Variants in PDCL2 observed in about 807,000 individuals in gnomAD.
PDCL2 encodes phosducin like 2.
A neutral mutation model predicts 30.3 loss-of-function variants in PDCL2; 23 were observed. That is an observed-to-expected ratio of 0.76 (90% CI 0.55 to 1.08). PDCL2 has a LOEUF of 1.08. Among genes scored for constraint, PDCL2 ranks in the 50% least tolerant of loss-of-function variants. The pLI, the probability that PDCL2 is intolerant of heterozygous loss-of-function variation, is 0.00. For missense variants in PDCL2, 243 were observed against 282.3 expected (o/e 0.86, Z 1.00); for synonymous variants, 68 against 86.2 (o/e 0.79, Z 1.17).
intron 1 of PDCL2, 27 bp downstream of exon 1, chr4:55,592,077 G>A: frequency 6.2e-7 from 1 of 1,608,890 alleles, no homozygotes; most frequent in Non-Finnish European, 8.5e-7. Flanking sequence ...GGTGTTCCAG[G>A]GTGGCTCGGC....
In PDCL2 at chr4:55,580,861, C is replaced by A. The variant is rs1313144923; in HGVS notation, c.178G>T (p.Glu60Ter). 4 of 1,611,076 alleles carry A rather than the reference C, an allele frequency of 2.5e-6. No individual in the cohort carries two copies. The highest frequency in any genetic ancestry group is 3.4e-6 in the Non-Finnish European group (4 of 1,178,728). ...TLAQLKEAED[E>*]FDEEDMQAVE... The stretch of plus-strand genomic sequence containing the variant: ...GCCTGCATATCTTCTTCATCAAATT[C>A]ATCTTCAGCTTCCTTTAGCTGTGCA... Residue 60 changes from glutamate (E) to a stop codon, truncating the protein, a stop_gained, in exon 3 of 6, where the codon GAA (glutamate) becomes TAA (stop). Transcript: ENST00000295645. LOFTEE classifies it high-confidence loss of function.
intron 2 of PDCL2, among the ~76,000 whole-genome samples, chr4:55,581,862 C>T (rs2130036): frequency 0.42 from 64,017 of 151,848 alleles, 15,160 homozygotes; most frequent in African/African-American, 0.64. Flanking sequence ...CACCACCACA[C>T]CTGGCTAATT....
intron 1 of PDCL2, among the ~76,000 whole-genome samples, chr4:55,588,246 T>C (rs1232701339): frequency 2.0e-5 from 3 of 152,152 alleles, no homozygotes; most frequent in African/African-American, 7.2e-5. Flanking sequence ...AGGAAATTCC[T>C]TGTGGACAAA....
At chr4:55,570,204 C>A (rs1464373303) in intron 3 of PDCL2, among the ~76,000 whole-genome samples, 2 of 152,118 alleles carry the variant, frequency 1.3e-5, no homozygotes, top group African/African-American at 4.8e-5. Flanking sequence ...ATAATGATAT[C>A]CAACATTAAC....
In PDCL2 at chr4:55,566,389, T is replaced by C. The variant is rs556990584; in HGVS notation, c.362+3329A>G. 5.5e-4 allele frequency among the ~76,000 whole-genome samples: 83 copies of C among 152,098 alleles called. No individual in the cohort carries two copies. In the South Asian group the frequency reaches 7.3e-3, roughly 13 times the overall value. ...TTACTACAGATTAATTTTCAAAATATATGTTTTATACCAACACAGGAATGT... is the reference window on the plus strand; with the variant it reads ...TTACTACAGATTAATTTTCAAAATACATGTTTTATACCAACACAGGAATGT... On this transcript the variant is annotated intron_variant, in intron 4 of 5. Transcript: ENST00000295645.
intron 4 of PDCL2, among the ~76,000 whole-genome samples, chr4:55,562,912 GAA>G (rs33953658): frequency 2.8e-5 from 3 of 108,822 alleles, no homozygotes; most frequent in Admixed American, 2.5e-4. Flanking sequence ...CCAGTTTGTA[GAA>G]AAAAAAAAAA....
intron 1 of PDCL2, among the ~76,000 whole-genome samples, chr4:55,584,737 C>G (rs1199088488): frequency 6.6e-6 from 1 of 152,096 alleles, no homozygotes; most frequent in Admixed American, 6.5e-5. Context: ...ATTTATTTCT[C>G]TTGCTTACTT....
intron 3 of PDCL2, among the ~76,000 whole-genome samples, chr4:55,579,298 T>C (rs1474983926): frequency 6.6e-6 from 1 of 152,162 alleles, no homozygotes; most frequent in East Asian, 1.9e-4. Flanking sequence ...TAATTCCTGT[T>C]ATTAGAGAAT....
rs1218745374 is a variant in PDCL2, at chr4:55,562,738, T to A, written c.363-126A>T. On this transcript the variant is annotated intron_variant, in intron 4 of 5. Transcript: ENST00000295645. The stretch of plus-strand genomic sequence containing the variant: ...TTAATATAAAAGCACATTATTATCA[T>A]CCTCTATTGTTACCTTTAGCAATGA... 6 of 597,210 alleles carry A rather than the reference T, an allele frequency of 1.0e-5. No individual in the cohort carries two copies. The East Asian group carries it at 1.9e-4, about 19-fold the overall frequency. The allele number at this position is 597,210 out of a possible 1,614,324, so 37.0% of individuals were successfully genotyped here.
At chr4:55,563,989 AG>A (rs1732199604) in intron 4 of PDCL2, among the ~76,000 whole-genome samples, 1 of 152,240 alleles carries the variant, frequency 6.6e-6, no homozygotes, top group Non-Finnish European at 1.5e-5. Context: ...GCATGAATGC[AG>A]ATTTTCTCTA....
chr4:55,582,197 T>A lies in PDCL2; in HGVS notation c.47A>T (p.Asp16Val). The A allele has an allele frequency of 6.2e-7, 1 of 1,611,990 alleles. No homozygotes were observed. Among genetic ancestry groups the A allele is most frequent in the Non-Finnish European group, 8.5e-7 (1 of 1,179,154 alleles). ...EDTEWNDILR[D>V]FGILPPKEES... ...TTCTTTAGGAGGAAGAATGCCGAAA[T>A]CTCTTAAAATGTCATTCCATTCTGT... Residue 16 changes from aspartate (D) to valine (V), a missense_variant, in exon 2 of 6, where the codon GAT becomes GTT. Coordinates refer to ENST00000295645, the MANE Select transcript of PDCL2 (RefSeq NM_152401.3).
intron 5 of PDCL2, among the ~76,000 whole-genome samples, chr4:55,558,249 A>C (rs1732034238): frequency 6.6e-6 from 1 of 152,104 alleles, no homozygotes; most frequent in African/African-American, 2.4e-5. Flanking sequence ...CCCTAATCTC[A>C]CCTTGAACAA....
intron 3 of PDCL2, among the ~76,000 whole-genome samples, chr4:55,573,332 CT>C (rs1352338895): frequency 1.3e-5 from 2 of 152,130 alleles, no homozygotes; most frequent in African/African-American, 4.8e-5. Context: ...AGCTGACTCC[CT>C]TGTTATTTTA....
chr4:55,585,503 G>C (rs1732835455), intron 1 of PDCL2, among the ~76,000 whole-genome samples: 1 of 151,826 alleles, frequency 6.6e-6, no homozygotes, highest in Non-Finnish European at 1.5e-5. Context: ...ACTCCAGCCT[G>C]GGAGACAAAG....
chr4:55,581,637 T>C (rs1039748495), intron 2 of PDCL2, among the ~76,000 whole-genome samples: 6 of 152,192 alleles, frequency 3.9e-5, no homozygotes, highest in African/African-American at 1.4e-4. Context: ...CATGTGAAAT[T>C]AGTCATTTTA....
At chr4:55,585,920 T>G (rs1007757841) in intron 1 of PDCL2, among the ~76,000 whole-genome samples, 3 of 152,190 alleles carry the variant, frequency 2.0e-5, no homozygotes, top group African/African-American at 7.2e-5. Context: ...TTTATCTGAG[T>G]CTTCTTTATT....
chr4:55,570,386 G>A (rs1732390518), intron 3 of PDCL2, among the ~76,000 whole-genome samples: 1 of 152,150 alleles, frequency 6.6e-6, no homozygotes, highest in African/African-American at 2.4e-5. Flanking sequence ...GTAATTACTT[G>A]TTATAAATAT....
chr4:55,573,611 C>T (rs1280395563), intron 3 of PDCL2, among the ~76,000 whole-genome samples: 2 of 151,822 alleles, frequency 1.3e-5, no homozygotes, highest in South Asian at 2.1e-4. Flanking sequence ...ATTAGCCGGG[C>T]GTGGTAGCAT....
intron 1 of PDCL2, 120 bp downstream of exon 1, chr4:55,591,984 A>G: frequency 7.2e-7 from 1 of 1,397,954 alleles, no homozygotes; most frequent in South Asian, 1.4e-5. Context: ...AGCACTTTCC[A>G]AGAACAAATG....
Sources: gnomAD v4.1 joint callset for allele counts (sites outside exome capture counted in the v4.1 genomes callset) on GRCh38, gnomAD v4.1.1 for gene constraint, MANE v1.5 for transcripts, NCBI Gene and HGNC (gene_info 2026-07-23, HGNC 2026-07-21) for gene names.